The following PRELID2 variants were observed in gnomAD, a reference collection of about 807,000 sequenced individuals.
The protein encoded by PRELID2 is PRELI domain-containing protein 2.
Under a neutral mutation model 28.4 loss-of-function variants are expected in PRELID2, and 25 were observed. The ratio of observed to expected loss-of-function variants is 0.88; its 90% CI spans 0.64 to 1.23. The LOEUF is 1.23. Ranked by LOEUF, PRELID2 falls within the 50% of genes most tolerant of loss-of-function variation. The pLI is 0.00. For synonymous variants in PRELID2, 76 were observed against 71.6 expected (o/e 1.06, Z -0.31); for missense variants, 201 against 214.4 (o/e 0.94, Z 0.39).
chr5:145,667,016 GCAAAAGA>G (rs1209151187), intron 1 of PRELID2, among the ~76,000 whole-genome samples: 7 of 151,990 alleles, frequency 4.6e-5, no homozygotes, highest in Non-Finnish European at 1.0e-4. Flanking sequence ...TTTGTTACTG[GCAAAAGA>G]CAAAACAGGG....
chr5:145,340,168 G>A, the PRELID2 span, among the ~76,000 whole-genome samples: 2 of 152,056 alleles, frequency 1.3e-5, no homozygotes, highest in Non-Finnish European at 2.9e-5. Context: ...TCCAACCCAT[G>A]AGCCTAAAAA....
In PRELID2 at chr5:145,676,543, C is replaced by A. The variant is rs528484686; in HGVS notation, n.70+88388G>T. Among the ~76,000 whole-genome samples the A allele has an allele frequency of 6.5e-4, 99 of 152,090 alleles. 1 individual carries two copies. Among genetic ancestry groups the A allele is most frequent in the Admixed American group, 1.6e-3 (24 of 15,264 alleles). On this transcript the variant is annotated intron_variant and non_coding_transcript_variant, in intron 1 of 2. Transcript: ENST00000510259. ...AACAGAGGGAGACTCTGTCTCAAAACAACAACAACAACAACACAACTCATT... is the reference window on the plus strand; with the variant it reads ...AACAGAGGGAGACTCTGTCTCAAAAAAACAACAACAACAACACAACTCATT...
the PRELID2 span, among the ~76,000 whole-genome samples, chr5:145,427,691 C>T: frequency 7.0e-6 from 1 of 143,676 alleles, no homozygotes; most frequent in East Asian, 2.0e-4. Context: ...TGAAAACAAT[C>T]GCACCATTAA....
the PRELID2 span, among the ~76,000 whole-genome samples, chr5:145,252,337 G>T: frequency 5.3e-5 from 8 of 152,204 alleles, no homozygotes; most frequent in African/African-American, 1.9e-4. Context: ...AAATATTCCA[G>T]GTAATGCCTT....
chr5:145,567,346 G>GTTTGTTTTGT (rs1214279272), intron 1 of PRELID2, among the ~76,000 whole-genome samples: 7 of 145,336 alleles, frequency 4.8e-5, no homozygotes, highest in Admixed American at 2.7e-4. Context: ...AGATCTGATG[G>GTTTGTTTTGT]TTTGGTTTGG....
At chr5:145,775,653 T>C (rs567626495) in intron 5 of PRELID2, among the ~76,000 whole-genome samples, 1 of 152,342 alleles carries the variant, frequency 6.6e-6, no homozygotes, top group South Asian at 2.1e-4. Flanking sequence ...AATGCCAACA[T>C]GGAGGGCCCT....
chr5:145,348,789 G>T, the PRELID2 span, among the ~76,000 whole-genome samples: 1 of 152,044 alleles, frequency 6.6e-6, no homozygotes, highest in Non-Finnish European at 1.5e-5. Context: ...TTATCACAAT[G>T]TTGATTTTGT....
At chr5:145,363,265 G>A in the PRELID2 span, among the ~76,000 whole-genome samples, 1 of 151,960 alleles carries the variant, frequency 6.6e-6, no homozygotes, top group Non-Finnish European at 1.5e-5. Context: ...ATATCAAAAT[G>A]TTAAATACTA....
the PRELID2 span, among the ~76,000 whole-genome samples, chr5:145,373,091 AT>A: frequency 5.2e-4 from 8 of 15,300 alleles, no homozygotes; most frequent in African/African-American, 1.7e-3. Context: ...CATATATAAT[AT>A]ATATGATATA....
At chr5:145,453,176 G>A in the PRELID2 span, among the ~76,000 whole-genome samples, 19 of 152,110 alleles carry the variant, frequency 1.2e-4, no homozygotes, top group African/African-American at 4.1e-4. Flanking sequence ...ATTAGAAAGA[G>A]AGAACCTCAA....
chr5:145,514,890 C>G (rs1287601955), intron 1 of PRELID2, among the ~76,000 whole-genome samples: 2 of 152,166 alleles, frequency 1.3e-5, no homozygotes, highest in Non-Finnish European at 2.9e-5. Flanking sequence ...ACTGAACAAC[C>G]TGCTCCTGAA....
the PRELID2 span, among the ~76,000 whole-genome samples, chr5:145,431,584 CAAGA>C: frequency 6.6e-6 from 1 of 152,142 alleles, no homozygotes; most frequent in Non-Finnish European, 1.5e-5. Context: ...TAGGATGCAG[CAAGA>C]AAGACACAGC....
At chr5:145,349,024 C>T in the PRELID2 span, among the ~76,000 whole-genome samples, 1 of 152,046 alleles carries the variant, frequency 6.6e-6, no homozygotes, top group African/African-American at 2.4e-5. Context: ...TCTGGGTGCA[C>T]ATAATTACCA....
At chr5:145,496,183 T>C (rs905624337) in intron 1 of PRELID2, among the ~76,000 whole-genome samples, 5 of 152,106 alleles carry the variant, frequency 3.3e-5, no homozygotes, top group Non-Finnish European at 7.4e-5. Flanking sequence ...AGAAAGACAA[T>C]TAAAAACACA....
At chr5:145,385,668 TAC>T in the PRELID2 span, among the ~76,000 whole-genome samples, 3 of 152,280 alleles carry the variant, frequency 2.0e-5, no homozygotes, top group East Asian at 5.8e-4. Context: ...GGCCTATAAG[TAC>T]AGATAGCACC....
the PRELID2 span, among the ~76,000 whole-genome samples, chr5:145,422,991 A>T: frequency 6.8e-6 from 1 of 147,104 alleles, no homozygotes; most frequent in Non-Finnish European, 1.5e-5. Context: ...TCCTTCACTT[A>T]TGAAGCTTAG....
At chr5:145,717,632 C>A (rs1755878232) in intron 1 of PRELID2, among the ~76,000 whole-genome samples, 1 of 150,812 alleles carries the variant, frequency 6.6e-6, no homozygotes, top group Non-Finnish European at 1.5e-5. Context: ...TGATTTGATA[C>A]AATTACAATT....
At chr5:145,572,051 G>C (rs545115682) in intron 1 of PRELID2, among the ~76,000 whole-genome samples, 6 of 151,834 alleles carry the variant, frequency 4.0e-5, no homozygotes, top group Non-Finnish European at 8.8e-5. Flanking sequence ...CATGCTACCT[G>C]GAGACTTTAT....
chr5:145,435,124 A>G, the PRELID2 span, among the ~76,000 whole-genome samples: 3 of 152,204 alleles, frequency 2.0e-5, no homozygotes, highest in Non-Finnish European at 4.4e-5. Context: ...AACCTTCACC[A>G]TCCTGGAACG....
Sources: gnomAD v4.1 joint callset for allele counts (sites outside exome capture counted in the v4.1 genomes callset) on GRCh38, gnomAD v4.1.1 for gene constraint, MANE v1.5 for transcripts, NCBI Gene and HGNC (gene_info 2026-07-23, HGNC 2026-07-21) for gene names.